PIGN: variants seen among roughly 807,000 people sequenced by gnomAD.
The protein encoded by PIGN is GPI ethanolamine phosphate transferase 1.
PIGN carries 117 observed loss-of-function variants against 125.4 expected under a neutral mutation model. The ratio of observed to expected loss-of-function variants is 0.93; its 90% confidence interval spans 0.80 to 1.09. The LOEUF is 1.09. PIGN is among the 50% of genes least tolerant of loss of function. The pLI is 0.00. For synonymous variants in PIGN, 392 were observed against 377.8 expected (o/e 1.04, Z -0.44); for missense variants, 1,075 against 1,094.9 (o/e 0.98, Z 0.26).
chr18:62,089,918 A>G (rs996545489), intron 24 of PIGN, among the ~76,000 whole-genome samples: 2 of 152,304 alleles, frequency 1.3e-5, no homozygotes, highest in Middle Eastern at 3.4e-3. Context: ...TGATAAAGGT[A>G]TCCTTAAAAA....
intron 30 of PIGN, chr18:62,059,006 A>G (rs1271781451): frequency 6.6e-6 from 1 of 152,020 alleles, no homozygotes; most frequent in Admixed American, 6.6e-5. Context: ...TGGGCAGCAG[A>G]GTGAGACCCT....
At chr18:62,179,571 C>T (rs1412965414) in intron 1 of PIGN, among the ~76,000 whole-genome samples, 1 of 151,988 alleles carries the variant, frequency 6.6e-6, no homozygotes, top group East Asian at 1.9e-4. Flanking sequence ...TGGTGAAACC[C>T]CATCTCTACA....
At chr18:62,073,179 G>T (rs901952687) in intron 29 of PIGN, among the ~76,000 whole-genome samples, 16 of 104,120 alleles carry the variant, frequency 1.5e-4, no homozygotes, top group Admixed American at 7.5e-4. Context: ...GGGTGTGTGT[G>T]TGTGTGTGTG....
At chr18:62,065,690 C>T (rs566596116) in intron 30 of PIGN, among the ~76,000 whole-genome samples, 14 of 151,948 alleles carry the variant, frequency 9.2e-5, no homozygotes, top group African/African-American at 3.4e-4. Flanking sequence ...GAGCCGAGAT[C>T]GCGCCACTGC....
intron 10 of PIGN, among the ~76,000 whole-genome samples, chr18:62,143,617 G>A (rs1437874982): frequency 6.6e-6 from 1 of 152,140 alleles, no homozygotes; most frequent in Non-Finnish European, 1.5e-5. Flanking sequence ...AAACATCAGA[G>A]GCTGAGGAAG....
chr18:62,031,398 G>C (rs1273424781), intron 23 of PIGN, among the ~76,000 whole-genome samples: 1 of 152,208 alleles, frequency 6.6e-6, no homozygotes, highest in Non-Finnish European at 1.5e-5. Flanking sequence ...AACCAAGACT[G>C]AGGAAACATC....
intron 1 of PIGN, among the ~76,000 whole-genome samples, chr18:62,181,333 C>T (rs999349691): frequency 6.6e-6 from 1 of 152,142 alleles, no homozygotes; most frequent in African/African-American, 2.4e-5. Flanking sequence ...CTCCCCAACA[C>T]AGTCAAACTT....
chr18:62,183,152 G>A (rs1008940638), intron 1 of PIGN, among the ~76,000 whole-genome samples: 1 of 151,986 alleles, frequency 6.6e-6, no homozygotes, highest in African/African-American at 2.4e-5. Flanking sequence ...TTGTTACTTA[G>A]CTAGATTTGA....
chr18:62,140,369 G>A lies in PIGN; in HGVS notation c.1023+51C>T, dbSNP rs564323915. On this transcript the variant is annotated intron_variant, in intron 12 of 30. Coordinates refer to ENST00000640252, the MANE Select transcript of PIGN (RefSeq NM_176787.5). Reference sequence around the variant, plus strand: ...CATAAAAAAGAGTACATTTTACTGTGCGATAGTTTTTTTTTATACTGAGAG... The same window carrying A: ...CATAAAAAAGAGTACATTTTACTGTACGATAGTTTTTTTTTATACTGAGAG... The A allele has an allele frequency of 5.0e-6, 4 of 807,490 alleles. No individual in the cohort carries two copies. The South Asian group carries it at 5.1e-5, about 10-fold the overall frequency. The allele number at this position is 807,490 out of a possible 1,614,324, so 50.0% of individuals were successfully genotyped here.
chr18:62,177,834 A>G (rs2037579483), intron 1 of PIGN, among the ~76,000 whole-genome samples: 1 of 152,202 alleles, frequency 6.6e-6, no homozygotes, highest in African/African-American at 2.4e-5. Flanking sequence ...TGCCTAAAAC[A>G]AAAACAAATA....
At chr18:62,169,395 A>G (rs1478204277) in intron 1 of PIGN, among the ~76,000 whole-genome samples, 1 of 152,234 alleles carries the variant, frequency 6.6e-6, no homozygotes, top group Non-Finnish European at 1.5e-5. Flanking sequence ...GGCTATTTCA[A>G]ATAAAGCTGC....
rs376523500 is a variant in PIGN at position 62,161,383 on chromosome 18, C to G, written c.-30G>C. On this transcript the variant is annotated splice_region_variant and 5_prime_UTR_variant, in exon 4 of 31. Coordinates refer to ENST00000640252, the MANE Select transcript of PIGN (RefSeq NM_176787.5). ...AGTGTAACTAATTAGTCTTCAAGAA[C>G]AGCTGAAAGAGAGAACAAAATTAAA... 1.4e-6 allele frequency: 2 copies of G among 1,478,806 alleles called. No individual in the cohort carries two copies. Among genetic ancestry groups the G allele is most frequent in the African/African-American group, 1.4e-5 (1 of 72,486 alleles). 91.6% of individuals were successfully genotyped at this position (1,478,806 alleles called of 1,614,324 possible).
At chr18:62,165,078 A>G (rs1233585151) in intron 1 of PIGN, among the ~76,000 whole-genome samples, 2 of 152,134 alleles carry the variant, frequency 1.3e-5, no homozygotes, top group African/African-American at 4.8e-5. Context: ...TCCCACATGA[A>G]TGGCTTGGTG....
At chr18:62,114,346 C>A (rs1377108145) in intron 15 of PIGN, among the ~76,000 whole-genome samples, 1 of 146,344 alleles carries the variant, frequency 6.8e-6, no homozygotes, top group Non-Finnish European at 1.5e-5. Context: ...TGGGCAACAG[C>A]GACACTCTGT....
At chr18:62,060,468 AG>A (rs2145392775) in intron 30 of PIGN, among the ~76,000 whole-genome samples, 1 of 152,326 alleles carries the variant, frequency 6.6e-6, no homozygotes, top group South Asian at 2.1e-4. Flanking sequence ...GGGCAGAAAA[AG>A]TCTGAGAATC....
At position 62,067,939 on chromosome 18, in the gene PIGN, T is replaced by C. The variant is rs192277877; in HGVS notation, c.2672+4734A>G. On this transcript the variant is annotated intron_variant, in intron 30 of 30. Coordinates refer to ENST00000640252, the MANE Select transcript of PIGN (RefSeq NM_176787.5). ...ACGAATAGGAAGGCCACCAGTAAGTTCTATGCATGTAATAAGAATTGCTGT... is the reference window on the plus strand; with the variant it reads ...ACGAATAGGAAGGCCACCAGTAAGTCCTATGCATGTAATAAGAATTGCTGT... Among the ~76,000 whole-genome samples, 26 of 152,296 alleles carry C rather than the reference T, an allele frequency of 1.7e-4. No homozygotes were observed. In the East Asian group the frequency reaches 4.2e-3, roughly 25 times the overall value.
chr18:62,114,068 T>C (rs2034989769), intron 15 of PIGN, among the ~76,000 whole-genome samples: 1 of 152,046 alleles, frequency 6.6e-6, no homozygotes, highest in Admixed American at 6.6e-5. Context: ...AATGCTAACC[T>C]AAAAAAATGT....
At chr18:62,057,157 G>C (rs1213997141) in intron 30 of PIGN, among the ~76,000 whole-genome samples, 1 of 151,982 alleles carries the variant, frequency 6.6e-6, no homozygotes, top group African/African-American at 2.4e-5. Flanking sequence ...CTCTAGGTGA[G>C]CATATCCTTT....
intron 25 of PIGN, 91 bp from the exon 26 acceptor site, chr18:62,085,355 G>A (rs1253770775): frequency 1.1e-5 from 9 of 837,812 alleles, no homozygotes; most frequent in Non-Finnish European, 1.8e-5. Context: ...TACCTTGAGA[G>A]TAATTTGCTC....
Sources: allele counts gnomAD v4.1 joint callset (sites outside exome capture counted in the v4.1 genomes callset), GRCh38; gene constraint gnomAD v4.1.1; transcripts MANE v1.5; gene names NCBI Gene and HGNC (gene_info 2026-07-23, HGNC 2026-07-21).